Variants in ARHGAP17 observed in about 807,000 individuals in gnomAD.
The protein encoded by ARHGAP17 is Rho GTPase activating protein 17, also known as rho GTPase-activating protein 17.
A neutral mutation model predicts 99.5 loss-of-function variants in ARHGAP17; 57 were observed. The observed-to-expected ratio is 0.57, with a 90% CI of 0.46 to 0.71. The LOEUF is 0.71. Ranked by LOEUF, ARHGAP17 falls within the 30% of genes least tolerant of loss-of-function variation. ARHGAP17 has a pLI of 0.00. For synonymous variants in ARHGAP17, 417 were observed against 429.6 expected (o/e 0.97, Z 0.36); for missense variants, 1,000 against 1,122.4 (o/e 0.89, Z 1.56).
chr16:24,988,200 G>T (rs114927732), intron 1 of ARHGAP17, among the ~76,000 whole-genome samples: 2,464 of 151,756 alleles, frequency 0.016, 78 homozygotes, highest in African/African-American at 0.057. Flanking sequence ...TTTCTGGGAA[G>T]GAATCTAAAA....
intron 19 of ARHGAP17, among the ~76,000 whole-genome samples, chr16:24,924,112 C>A (rs768928767): frequency 6.6e-6 from 1 of 152,186 alleles, no homozygotes; most frequent in Non-Finnish European, 1.5e-5. Context: ...CTCCCTCCCC[C>A]TCTCCACCAC....
chr16:24,978,230 C>T (rs184301459), intron 2 of ARHGAP17, among the ~76,000 whole-genome samples: 7 of 152,300 alleles, frequency 4.6e-5, no homozygotes, highest in Admixed American at 4.6e-4. Context: ...CCAATTTCCA[C>T]TAGAATGTAA....
At position 25,015,309 on chromosome 16, in the gene ARHGAP17, G is replaced by T; in HGVS notation, c.-48C>A. 2 of 1,286,382 alleles carry T rather than the reference G, an allele frequency of 1.6e-6. No individual in the cohort carries two copies. Among genetic ancestry groups the T allele is most frequent in the Non-Finnish European group, 9.9e-7 (1 of 1,012,326 alleles). 79.7% of individuals were successfully genotyped at this position (1,286,382 alleles called of 1,614,324 possible). On this transcript the variant is annotated 5_prime_UTR_variant, in exon 1 of 20. Transcript: ENST00000289968. Reference sequence around the variant, plus strand: ...CGCGGGGCTCGGGCCGGGCAGGGCGGGGGACAGCCTGGCAGCTACTACATC... The same window carrying T: ...CGCGGGGCTCGGGCCGGGCAGGGCGTGGGACAGCCTGGCAGCTACTACATC...
chr16:24,961,968 G>GT (rs771302588), intron 7 of ARHGAP17, among the ~76,000 whole-genome samples: 1 of 105,726 alleles, frequency 9.5e-6, no homozygotes. Context: ...TGTAGAGAGA[G>GT]TTTGTTTTTT....
In ARHGAP17 at chr16:24,935,636, A is replaced by G. The variant is rs781598317; in HGVS notation, c.1728T>C (p.Pro576=). ...EQGPSPGDGS[P]PKPKDPVSAA... is the part of the protein sequence containing the mutation. The stretch of plus-strand genomic sequence containing the variant: ...CAGATACAGGGTCCTTCGGTTTGGG[A>G]GGACTAAGAGGAGTAAAAGTCAAGT... Residue 576 remains proline, a synonymous_variant, in exon 18 of 20, where the codon CCT becomes CCC. Transcript: ENST00000289968. The G allele has an allele frequency of 1.9e-6, 3 of 1,613,794 alleles. No homozygotes were observed. The South Asian group carries it at 3.3e-5, about 18-fold the overall frequency.
At chr16:24,962,703 T>C (rs933295340) in intron 7 of ARHGAP17, among the ~76,000 whole-genome samples, 1 of 152,058 alleles carries the variant, frequency 6.6e-6, no homozygotes, top group Non-Finnish European at 1.5e-5. Flanking sequence ...CACCTACCAC[T>C]CTCACAGAGA....
chr16:24,931,082 C>G lies in ARHGAP17; in HGVS notation c.2217G>C (p.Met739Ile). 1 of 1,605,688 alleles carries G rather than the reference C, an allele frequency of 6.2e-7. No homozygotes were observed. The highest frequency in any genetic ancestry group is 8.5e-7 in the Non-Finnish European group (1 of 1,176,010). ...KPNSQGPPNP[M>I]ALPSEHGLEQ... is the part of the protein sequence containing the mutation. ...CAAGTCCATGCTCACTGGGCAATGC[C>G]ATGGGGTTGGGAGGGCCCTGGCTAT... Residue 739 changes from methionine (M) to isoleucine (I), a missense_variant, in exon 19 of 20, where the codon ATG (methionine) becomes ATC (isoleucine). Physicochemically the swap from Met to Ile is conservative, Grantham distance 10. This residue lies in a region of ARHGAP17 where 528 missense variants were observed against 511.4 expected (regional missense o/e 1.03). Transcript: ENST00000289968.
intron 1 of ARHGAP17, among the ~76,000 whole-genome samples, chr16:25,003,455 C>A (rs2141494657): frequency 6.6e-6 from 1 of 152,110 alleles, no homozygotes; most frequent in East Asian, 2.0e-4. Flanking sequence ...GGCATCAAAT[C>A]TGCCTGCCTC....
intron 6 of ARHGAP17, among the ~76,000 whole-genome samples, chr16:24,966,073 A>G (rs919985706): frequency 2.0e-5 from 3 of 152,250 alleles, no homozygotes; most frequent in Non-Finnish European, 2.9e-5. Context: ...AAACATCTAT[A>G]ATAATGCTCA....
At position 25,007,185 on chromosome 16, in the gene ARHGAP17, T is replaced by C. The variant is rs530203661; in HGVS notation, c.53+8024A>G. Among the ~76,000 whole-genome samples the C allele has an allele frequency of 7.2e-5, 11 of 152,300 alleles. No homozygotes were observed. The South Asian group carries it at 2.3e-3, about 32-fold the overall frequency. The stretch of plus-strand genomic sequence containing the variant: ...AAAGTTTCAAATTTACAGATGAAAA[T>C]TTCCTAATGGCTAGAAAATAAGGCA... On this transcript the variant is annotated intron_variant, in intron 1 of 19. Transcript: ENST00000289968.
At chr16:25,000,576 G>T (rs1164864543) in intron 1 of ARHGAP17, among the ~76,000 whole-genome samples, 1 of 151,998 alleles carries the variant, frequency 6.6e-6, no homozygotes, top group Admixed American at 6.6e-5. Flanking sequence ...GCAACGGGGG[G>T]GTTATTAAAA....
At chr16:25,000,658 C>G (rs955062400) in intron 1 of ARHGAP17, among the ~76,000 whole-genome samples, 4 of 152,192 alleles carry the variant, frequency 2.6e-5, no homozygotes, top group African/African-American at 9.6e-5. Flanking sequence ...GGCTACAATT[C>G]AGTCTACTGC....
intron 19 of ARHGAP17, among the ~76,000 whole-genome samples, chr16:24,930,286 T>C (rs761441643): frequency 1.2e-4 from 19 of 152,228 alleles, no homozygotes; most frequent in Non-Finnish European, 2.6e-4. Flanking sequence ...TTTAAAGTTA[T>C]ACCTGAAATT....
chr16:24,969,483 T>A (rs888006254), intron 4 of ARHGAP17, among the ~76,000 whole-genome samples: 4 of 152,182 alleles, frequency 2.6e-5, no homozygotes, highest in African/African-American at 7.2e-5. Flanking sequence ...CTTCTCCCAC[T>A]GTGGGGTCTC....
At chr16:24,981,498 A>G (rs1168667346) in intron 1 of ARHGAP17, among the ~76,000 whole-genome samples, 1 of 152,174 alleles carries the variant, frequency 6.6e-6, no homozygotes, top group East Asian at 1.9e-4. Context: ...ATCAGAACAG[A>G]AAGTCAACAG....
intron 19 of ARHGAP17, among the ~76,000 whole-genome samples, chr16:24,928,350 A>T (rs1238437083): frequency 2.0e-5 from 3 of 152,212 alleles, no homozygotes; most frequent in Non-Finnish European, 2.9e-5. Context: ...ACCGGTTTTT[A>T]AATAGCTAGT....
chr16:24,986,405 C>T (rs1203082768), intron 1 of ARHGAP17, among the ~76,000 whole-genome samples: 1 of 152,148 alleles, frequency 6.6e-6, no homozygotes, highest in African/African-American at 2.4e-5. Context: ...AAACTATACC[C>T]GCAGGCTCAA....
chr16:24,963,958 T>C (rs1457189285), intron 7 of ARHGAP17, among the ~76,000 whole-genome samples: 1 of 152,202 alleles, frequency 6.6e-6, no homozygotes, highest in East Asian at 1.9e-4. Flanking sequence ...TCTGACTTCA[T>C]CTTTAAATAA....
chr16:24,959,764 C>T lies in ARHGAP17; in HGVS notation c.643-12G>A. 4 of 1,613,396 alleles carry T rather than the reference C, an allele frequency of 2.5e-6. No homozygotes were observed. Among genetic ancestry groups the T allele is most frequent in the Admixed American group, 3.3e-5 (2 of 59,892 alleles). Reference sequence around the variant, plus strand: ...TGGGCTTCTAATAACTGAGAACAGACCCACATTCAAAAACAAAAGTAACGT... The same window carrying T: ...TGGGCTTCTAATAACTGAGAACAGATCCACATTCAAAAACAAAAGTAACGT... On this transcript the variant is annotated splice_polypyrimidine_tract_variant and intron_variant, in intron 8 of 19. Coordinates refer to ENST00000289968, the MANE Select transcript of ARHGAP17 (RefSeq NM_001006634.3).
Sources: allele counts gnomAD v4.1 joint callset (sites outside exome capture counted in the v4.1 genomes callset), GRCh38; gene constraint gnomAD v4.1.1; regional missense constraint gnomAD v4.1.1; transcripts MANE v1.5; gene names NCBI Gene and HGNC (gene_info 2026-07-23, HGNC 2026-07-21).